CERS6: variants seen among roughly 807,000 people sequenced by gnomAD.
The protein encoded by CERS6 is ceramide synthase 6, also known as LAG1 homolog, ceramide synthase 6.
A neutral mutation model predicts 56.8 loss-of-function variants in CERS6; 26 were observed. That is an observed-to-expected ratio of 0.46 (90% CI 0.34 to 0.63). The LOEUF (loss-of-function observed/expected upper bound fraction) is 0.63. CERS6 is among the 30% of genes least tolerant of loss of function. The pLI, the probability that CERS6 is intolerant of heterozygous loss-of-function variation, is 0.01. For synonymous variants in CERS6, 164 were observed against 173.3 expected, an observed-to-expected ratio of 0.95 and a Z score of 0.42; for missense variants, 415 against 467.5, an observed-to-expected ratio of 0.89 and a Z score of 1.04.
intron 8 of CERS6, among the ~76,000 whole-genome samples, chr2:168,718,779 A>G (rs1433519616): frequency 6.6e-6 from 1 of 152,214 alleles, no homozygotes. Flanking sequence ...TCTAACTGTT[A>G]GATCGTCATG....
At chr2:168,753,140 A>G (rs1483042306) in intron 8 of CERS6, among the ~76,000 whole-genome samples, 1 of 152,224 alleles carries the variant, frequency 6.6e-6, no homozygotes, top group East Asian at 1.9e-4. Context: ...GCTTGGAGAA[A>G]TAAGATAACT....
chr2:168,575,937 G>A (rs1482580067), intron 3 of CERS6, among the ~76,000 whole-genome samples: 1 of 152,074 alleles, frequency 6.6e-6, no homozygotes, highest in Non-Finnish European at 1.5e-5. Context: ...TATTTACTGG[G>A]TGACGACTCT....
intron 1 of CERS6, among the ~76,000 whole-genome samples, chr2:168,471,773 AG>A (rs1231985382): frequency 6.6e-6 from 1 of 152,232 alleles, no homozygotes; most frequent in African/African-American, 2.4e-5. Context: ...GAATGCGCTT[AG>A]CTGCTAGAAA....
intron 1 of CERS6, among the ~76,000 whole-genome samples, chr2:168,466,734 C>G (rs535431558): frequency 3.6e-4 from 55 of 152,304 alleles, no homozygotes; most frequent in African/African-American, 1.3e-3. Context: ...GTGGGCTTCT[C>G]TTGGACCACT....
chr2:168,651,633 G>T (rs940505633), intron 4 of CERS6, among the ~76,000 whole-genome samples: 1 of 152,116 alleles, frequency 6.6e-6, no homozygotes, highest in Non-Finnish European at 1.5e-5. Flanking sequence ...AGGGGGAACC[G>T]CCAGACCCTT....
At chr2:168,562,671 A>G (rs1406322463) in intron 3 of CERS6, among the ~76,000 whole-genome samples, 2 of 152,196 alleles carry the variant, frequency 1.3e-5, no homozygotes, top group Non-Finnish European at 2.9e-5. Context: ...ACCATAGGGC[A>G]GCTTTTCTCC....
chr2:168,644,112 T>A (rs2105308888), intron 4 of CERS6: 1 of 985,230 alleles, frequency 1.0e-6, no homozygotes, highest in African/African-American at 1.7e-5. Flanking sequence ...TAATAGGAGA[T>A]ATGACTTGCT....
chr2:168,527,703 A>G (rs1428653120), intron 1 of CERS6, among the ~76,000 whole-genome samples: 2 of 151,864 alleles, frequency 1.3e-5, no homozygotes, highest in East Asian at 3.9e-4. Flanking sequence ...GAGTGAACTC[A>G]TTTCCTTGAG....
rs114230333 is a variant in CERS6 at position 168,590,215 on chromosome 2, G to A, written c.407+28893G>A. ...ACCTGGGCAACTAGGAGAGGATATG[G>A]TCATAGCTAAAAGAAATAGAAGAGT... On this transcript the variant is annotated intron_variant, in intron 3 of 9. Transcript: ENST00000305747. 6.5e-3 allele frequency among the ~76,000 whole-genome samples: 986 copies of A among 152,316 alleles called. 8 individuals carry two copies. Among genetic ancestry groups the A allele is most frequent in the African/African-American group, 0.022 (904 of 41,552 alleles).
At chr2:168,667,633 C>T (rs1335539582) in intron 4 of CERS6, among the ~76,000 whole-genome samples, 1 of 151,880 alleles carries the variant, frequency 6.6e-6, no homozygotes, top group Non-Finnish European at 1.5e-5. Flanking sequence ...CTGCATTATT[C>T]ACCCAGCCCT....
intron 5 of CERS6, among the ~76,000 whole-genome samples, chr2:168,692,443 G>A (rs1404132761): frequency 6.6e-6 from 1 of 152,150 alleles, no homozygotes; most frequent in African/African-American, 2.4e-5. Flanking sequence ...CATGGCTGGA[G>A]CTGAGAAATT....
chr2:168,744,099 G>A (rs1684019296), intron 8 of CERS6, among the ~76,000 whole-genome samples: 1 of 142,998 alleles, frequency 7.0e-6, no homozygotes, highest in Admixed American at 7.3e-5. Flanking sequence ...TCCACCTCCT[G>A]TGTTCTCGCC....
intron 1 of CERS6, among the ~76,000 whole-genome samples, chr2:168,501,769 G>A (rs1328668535): frequency 6.6e-6 from 1 of 152,180 alleles, no homozygotes; most frequent in Non-Finnish European, 1.5e-5. Context: ...GCTGTAGAAT[G>A]GGCCAGATTT....
At chr2:168,740,166 T>G (rs1683851826) in intron 8 of CERS6, among the ~76,000 whole-genome samples, 1 of 152,152 alleles carries the variant, frequency 6.6e-6, no homozygotes, top group Non-Finnish European at 1.5e-5. Context: ...ATTCCATGGA[T>G]TTTTTCATTA....
At chr2:168,697,606 A>C (rs2105368757) in intron 6 of CERS6, among the ~76,000 whole-genome samples, 1 of 149,192 alleles carries the variant, frequency 6.7e-6, no homozygotes, top group East Asian at 2.0e-4. Flanking sequence ...AGTTTATGTA[A>C]GTTTCTCAAG....
intron 8 of CERS6, among the ~76,000 whole-genome samples, chr2:168,752,731 G>A (rs1314330257): frequency 1.3e-5 from 2 of 152,222 alleles, no homozygotes; most frequent in Non-Finnish European, 2.9e-5. Context: ...ACACCGTTCA[G>A]TGTGCTCAGG....
intron 4 of CERS6, among the ~76,000 whole-genome samples, chr2:168,656,953 A>C (rs1163933569): frequency 2.0e-4 from 30 of 152,210 alleles, no homozygotes; most frequent in Admixed American, 1.9e-3. Flanking sequence ...CCAAGGCCTC[A>C]CCAGAGCAGC....
intron 8 of CERS6, among the ~76,000 whole-genome samples, chr2:168,737,040 C>T (rs1157911966): frequency 6.6e-6 from 1 of 152,322 alleles, no homozygotes; most frequent in East Asian, 1.9e-4. Flanking sequence ...TTTCTCTCCA[C>T]CACTTTTTAT....
intron 1 of CERS6, among the ~76,000 whole-genome samples, chr2:168,525,538 C>T (rs2105358880): frequency 6.6e-6 from 1 of 152,290 alleles, no homozygotes; most frequent in East Asian, 1.9e-4. Context: ...GGTCACAATT[C>T]TTGTAATGGG....
Sources: gnomAD v4.1 joint callset for allele counts (sites outside exome capture counted in the v4.1 genomes callset) on GRCh38, gnomAD v4.1.1 for gene constraint, MANE v1.5 for transcripts, NCBI Gene and HGNC (gene_info 2026-07-23, HGNC 2026-07-21) for gene names.